Variants in CROCC2 observed in about 807,000 individuals in gnomAD.
CROCC2 encodes the protein ciliary rootlet coiled-coil, rootletin family member 2.
Under a neutral mutation model 177.6 loss-of-function variants are expected in CROCC2, and 163 were observed. The ratio of observed to expected loss-of-function variants is 0.92; its 90% CI spans 0.81 to 1.05. The LOEUF is 1.05. Among genes scored for constraint, CROCC2 ranks in the 50% least tolerant of loss-of-function variants. The probability of loss-of-function intolerance (pLI) is 0.00; values close to 1 mark genes in which losing one functional copy is unlikely to be tolerated. For missense variants in CROCC2, 1,929 were observed against 1,797.8 expected, an observed-to-expected ratio of 1.07 and a Z score of -1.32; for synonymous variants, 904 against 787.3, an observed-to-expected ratio of 1.15 and a Z score of -2.48.
chr2:240,963,709 G>A lies in CROCC2; in HGVS notation c.3241G>A (p.Val1081Ile), dbSNP rs368925186. 377 of 1,550,320 alleles carry A rather than the reference G, an allele frequency of 2.4e-4. 2 individuals carry two copies. The African/African-American group carries it at 4.4e-3, about 18-fold the overall frequency. The part of the protein sequence containing the change: ...ALSDEAREKD[V>I]LLLFNSELRA... ...GAGTGACGAGGCCCGCGAGAAGGACGTACTGTTGCTTTTCAACAGCGAGCT... is the reference window on the plus strand; with the variant it reads ...GAGTGACGAGGCCCGCGAGAAGGACATACTGTTGCTTTTCAACAGCGAGCT... The change falls in exon 21 of 32, where the codon GTA (valine) becomes ATA (isoleucine). Residue 1081 changes from valine (V) to isoleucine (I), a missense_variant. Val to Ile is a conservative substitution (Grantham distance 29). This residue lies in a region of CROCC2 where 1,397 missense variants were observed against 1,239.9 expected (regional missense o/e 1.13). Transcript: ENST00000690015.
intron 13 of CROCC2, 66 bp downstream of exon 13, chr2:240,935,128 A>G: frequency 7.5e-7 from 1 of 1,327,068 alleles, no homozygotes; most frequent in South Asian, 2.2e-5. Flanking sequence ...TGGGTCTCCC[A>G]GCCCTAGGCC....
At position 240,949,620 on chromosome 2, in the gene CROCC2, A is replaced by T; in HGVS notation, c.2570A>T (p.Gln857Leu). ...GTGCGGCTCCAGCGACAGGTGGCAC[A>T]GCAGGAGCGGGAGGCACAGCGGGCC... ...DTVRLQRQVA[Q>L]QEREAQRALE... Residue 857 changes from glutamine to leucine, a missense_variant, in exon 17 of 32, where the codon CAG becomes CTG. Gln to Leu is a moderately radical substitution (Grantham distance 113). Coordinates refer to ENST00000690015, the MANE Select transcript of CROCC2 (RefSeq NM_001351305.2). This position sits in a 1 kb window ranked among gnomAD's most constrained non-coding sequence, Gnocchi z 4.5. The T allele has an allele frequency of 6.4e-7, 1 of 1,550,490 alleles. No individual in the cohort carries two copies. Among genetic ancestry groups the T allele is most frequent in the Non-Finnish European group, 8.7e-7 (1 of 1,146,948 alleles).
intron 14 of CROCC2, among the ~76,000 whole-genome samples, chr2:240,936,373 C>T (rs937943564): frequency 3.9e-5 from 6 of 152,294 alleles, no homozygotes; most frequent in African/African-American, 1.4e-4. Context: ...GTGACCTCTG[C>T]TCTGATGTGC....
In CROCC2 at chr2:240,933,880, G is replaced by A; in HGVS notation, c.1646+28G>A. 4 of 1,534,432 alleles carry A rather than the reference G, an allele frequency of 2.6e-6. No individual in the cohort carries two copies. The South Asian group carries it at 4.8e-5, about 18-fold the overall frequency. Reference sequence around the variant, plus strand: ...GCGCGGCCGTGGCTGGGTGGGCAGGGCCCCTCCCACAGAAGAGACCCCACT... The same window carrying A: ...GCGCGGCCGTGGCTGGGTGGGCAGGACCCCTCCCACAGAAGAGACCCCACT... On this transcript the variant is annotated intron_variant, in intron 11 of 31. Transcript: ENST00000690015.
At chr2:240,930,118 G>C in intron 5 of CROCC2, 48 bp from the exon 6 acceptor site, 2 of 531,468 alleles carry the variant, frequency 3.8e-6, no homozygotes, top group South Asian at 6.2e-5. Context: ...CTTCAGGGAG[G>C]GTAAAGGGGC....
At chr2:240,928,705 A>C (rs2059409401) in intron 5 of CROCC2, among the ~76,000 whole-genome samples, 1 of 152,226 alleles carries the variant, frequency 6.6e-6, no homozygotes, top group Non-Finnish European at 1.5e-5. Flanking sequence ...CCCGTACAGC[A>C]GGCACGGGGT....
Position 240,966,408 on chromosome 2 carries a change from G to C in CROCC2, c.4145G>C (p.Arg1382Pro), listed in dbSNP as rs1270881794. The change falls in exon 25 of 32, where the codon CGG becomes CCG. Residue 1382 changes from arginine (R) to proline (P), a missense_variant and splice_region_variant. Physicochemically the swap from Arg to Pro is moderately radical, Grantham distance 103. Coordinates refer to ENST00000690015, the MANE Select transcript of CROCC2 (RefSeq NM_001351305.2). The stretch of plus-strand genomic sequence containing the variant: ...AAGCTCCGGGAAGCCCAGCGGGAGC[G>C]GGTAATGGGGGCTGGGGTCCTCCCG... ...VQKLREAQRERDDSRIQMATL... is the reference protein window; with the variant it reads ...VQKLREAQREPDDSRIQMATL... 2.5e-6 allele frequency: 1 copy of C among 400,892 alleles called. No homozygotes were observed. The highest frequency in any genetic ancestry group is 2.1e-5 in the African/African-American group (1 of 48,696). 24.8% of individuals were successfully genotyped at this position (400,892 alleles called of 1,614,324 possible).
rs2059464221 is a variant in CROCC2 at position 240,935,596 on chromosome 2, C to T, written c.2169+8C>T. ...CAGGAGCAGGTGGGCCAGGTGAGGA[C>T]GTCTGCAGGGCATGCTGCCGCCGTC... On this transcript the variant is annotated splice_region_variant and intron_variant, in intron 14 of 31. Coordinates refer to ENST00000690015, the MANE Select transcript of CROCC2 (RefSeq NM_001351305.2). 2.2e-6 allele frequency: 3 copies of T among 1,384,936 alleles called. No homozygotes were observed. Among genetic ancestry groups the T allele is most frequent in the African/African-American group, 1.5e-5 (1 of 65,942 alleles). 85.8% of individuals were successfully genotyped at this position (1,384,936 alleles called of 1,614,324 possible). A position where few individuals can be genotyped will look rare whatever the true frequency, so the allele number is the denominator to read the frequency against.
rs908024199 is a variant in CROCC2, at chr2:240,917,356, C to T, written c.79-1370C>T. Among the ~76,000 whole-genome samples the T allele has an allele frequency of 6.6e-5, 10 of 151,986 alleles. No homozygotes were observed. On this transcript the variant is annotated intron_variant, in intron 1 of 31. Coordinates refer to ENST00000690015, the MANE Select transcript of CROCC2 (RefSeq NM_001351305.2). This position sits in a 1 kb window ranked among gnomAD's most constrained non-coding sequence, Gnocchi z 4.9. ...GAGGAGGCCTGTGTCCAGGGAGCAT[C>T]CGGGATAGCCAGACAGCATGCACCA...
chr2:240,987,896 T>C (rs1164736077), intron 28 of CROCC2, among the ~76,000 whole-genome samples: 1 of 152,196 alleles, frequency 6.6e-6, no homozygotes, highest in Non-Finnish European at 1.5e-5. Flanking sequence ...GCCTGTGACA[T>C]CATGGGATCC....
At chr2:240,948,223 G>C (rs1306736337) in intron 15 of CROCC2, among the ~76,000 whole-genome samples, 2 of 152,142 alleles carry the variant, frequency 1.3e-5, no homozygotes, top group African/African-American at 4.8e-5. Flanking sequence ...GGTCTCTGGG[G>C]GTTCTGACCT....
intron 31 of CROCC2, 66 bp from the exon 32 acceptor site, chr2:240,993,000 G>A (rs2059889627): frequency 2.8e-6 from 2 of 708,810 alleles, no homozygotes; most frequent in South Asian, 3.0e-5. Context: ...CCAGCCCCCG[G>A]CAGCAGGAGC....
intron 12 of CROCC2, 70 bp from the exon 13 acceptor site, chr2:240,934,846 C>T (rs943809252): frequency 8.5e-6 from 12 of 1,419,340 alleles, no homozygotes; most frequent in Admixed American, 5.9e-5. Flanking sequence ...GGGCTCACTC[C>T]TTTCCCAGCG....
At chr2:240,952,389 ACT>A (rs76137127) in intron 18 of CROCC2, among the ~76,000 whole-genome samples, 6,798 of 152,064 alleles carry the variant, frequency 0.045, 357 homozygotes, top group East Asian at 0.25. Flanking sequence ...TTATTGTCAA[ACT>A]CTCTGCATTT....
rs548420598 is a variant in CROCC2 at position 240,933,176 on chromosome 2, C to A, written c.1297C>A (p.Leu433Ile). ...GTCCTCCCAGGCACTGGTGGCCAGT[C>A]TCCAGGAGCAGCTGTCCGAAAGCCG... ...LKSSQALVAS[L>I]QEQLSESRRE... The change falls in exon 10 of 32, where the codon CTC becomes ATC. Residue 433 changes from leucine (L) to isoleucine (I), a missense_variant. Transcript: ENST00000690015. The A allele has an allele frequency of 3.0e-5, 46 of 1,550,100 alleles. No individual in the cohort carries two copies. The East Asian group carries it at 1.1e-3, about 37-fold the overall frequency.
At chr2:240,981,300 C>G (rs181965087) in intron 27 of CROCC2, among the ~76,000 whole-genome samples, 1 of 143,474 alleles carries the variant, frequency 7.0e-6, no homozygotes, top group African/African-American at 2.6e-5. Context: ...TAGGAGCCTC[C>G]GGAGCCCAGG....
intron 20 of CROCC2, among the ~76,000 whole-genome samples, chr2:240,961,987 C>T (rs1301937051): frequency 3.5e-5 from 5 of 142,002 alleles, no homozygotes; most frequent in East Asian, 3.0e-4. Context: ...ACACTTGCAC[C>T]GGCCCACACA....
At chr2:240,963,124 A>C in intron 20 of CROCC2, 1 of 168,356 alleles carries the variant, frequency 5.9e-6, no homozygotes, top group South Asian at 1.9e-4. Context: ...TGCTGCCCAC[A>C]CTAGGACAGG....
rs1291139925 is a variant in CROCC2, at chr2:240,964,707, G to C, written c.3465+82G>C. 65 of 1,445,920 alleles carry C rather than the reference G, an allele frequency of 4.5e-5. No homozygotes were observed. In the South Asian group the frequency reaches 8.2e-4, roughly 18 times the overall value. The allele number at this position is 1,445,920 out of a possible 1,614,324, so 89.6% of individuals were successfully genotyped here. On this transcript the variant is annotated intron_variant, in intron 22 of 31. Coordinates refer to ENST00000690015, the MANE Select transcript of CROCC2 (RefSeq NM_001351305.2). ...CCGGCTCCTCCCAGGGGAGCCCCCA[G>C]CCCTGGCCTTGCTGCCGCCTTTGAA...
Sources: allele counts gnomAD v4.1 joint callset (sites outside exome capture counted in the v4.1 genomes callset), GRCh38; gene constraint gnomAD v4.1.1; regional missense constraint gnomAD v4.1.1; non-coding constraint Gnocchi (gnomAD v3.1); transcripts MANE v1.5; gene names NCBI Gene and HGNC (gene_info 2026-07-23, HGNC 2026-07-21).